Variants in ATP12A observed in about 807,000 individuals in gnomAD.
The protein encoded by ATP12A is potassium-transporting ATPase alpha chain 2.
Under a neutral mutation model 111.2 loss-of-function variants are expected in ATP12A, and 81 were observed. The ratio of observed to expected loss-of-function variants is 0.73; its 90% CI spans 0.61 to 0.88. The LOEUF (loss-of-function observed/expected upper bound fraction) is 0.88. Among genes scored for constraint, ATP12A ranks in the 40% least tolerant of loss-of-function variants. The probability of loss-of-function intolerance (pLI) is 0.00; values close to 1 mark genes in which losing one functional copy is unlikely to be tolerated. For synonymous variants in ATP12A, 498 were observed against 499.8 expected, an observed-to-expected ratio of 1.00 and a Z score of 0.05; for missense variants, 1,196 against 1,313.1, an observed-to-expected ratio of 0.91 and a Z score of 1.38.
intron 2 of ATP12A, among the ~76,000 whole-genome samples, chr13:24,682,164 GTGTA>G (rs1330565865): frequency 1.7e-3 from 199 of 119,846 alleles, no homozygotes; most frequent in Middle Eastern, 5.0e-3. Context: ...TGTGTGGTGT[GTGTA>G]TGTGTGTGGT....
intron 12 of ATP12A, among the ~76,000 whole-genome samples, chr13:24,699,899 A>C (rs1415678333): frequency 6.6e-6 from 1 of 152,228 alleles, no homozygotes; most frequent in Non-Finnish European, 1.5e-5. Context: ...GTGTTTCTAA[A>C]GGCTATTGGA....
intron 1 of ATP12A, among the ~76,000 whole-genome samples, 183 bp from the exon 2 acceptor site, chr13:24,681,379 C>A (rs1874424563): frequency 2.6e-5 from 4 of 152,136 alleles, no homozygotes. Context: ...GGAGAGGAAG[C>A]CAAGGTCGGC....
At chr13:24,695,495 A>T (rs975147324) in intron 11 of ATP12A, among the ~76,000 whole-genome samples, 1 of 152,174 alleles carries the variant, frequency 6.6e-6, no homozygotes, top group Admixed American at 6.5e-5. Context: ...GGCTTTGCAC[A>T]ACAGTAAAGT....
intron 10 of ATP12A, among the ~76,000 whole-genome samples, chr13:24,693,520 A>G (rs2137700844): frequency 6.6e-6 from 1 of 152,032 alleles, no homozygotes; most frequent in East Asian, 1.9e-4. Flanking sequence ...CTTTTTGGCC[A>G]ATTGCTTCTT....
chr13:24,686,777 GGAAA>G (rs10680537), intron 3 of ATP12A, among the ~76,000 whole-genome samples: 4 of 149,682 alleles, frequency 2.7e-5, no homozygotes, highest in Admixed American at 1.3e-4. Context: ...AAGGAAGGAA[GGAAA>G]GAAAGAAAGA....
At chr13:24,700,009 C>A (rs960458226) in intron 12 of ATP12A, among the ~76,000 whole-genome samples, 1 of 152,204 alleles carries the variant, frequency 6.6e-6, no homozygotes, top group Non-Finnish European at 1.5e-5. Context: ...TGCCCACTTG[C>A]GTTTGATTTC....
At chr13:24,708,038 TC>T (rs1875747599) in intron 17 of ATP12A, among the ~76,000 whole-genome samples, 1 of 152,112 alleles carries the variant, frequency 6.6e-6, no homozygotes, top group African/African-American at 2.4e-5. Flanking sequence ...GCTTCCCTTT[TC>T]TTTTGGGAAG....
chr13:24,690,384 A>T lies in ATP12A; in HGVS notation c.593A>T (p.Glu198Val). 1 of 1,612,744 alleles carries T rather than the reference A, an allele frequency of 6.2e-7. No homozygotes were observed. The highest frequency in any genetic ancestry group is 8.5e-7 in the Non-Finnish European group (1 of 1,179,786). ...TCCGAGAAGAAGACCATCCCTTCAG[A>T]GCAGCTGGTGGTGGGGGACATTGTG... ...RDSEKKTIPSEQLVVGDIVEV... is the reference protein window; with the variant it reads ...RDSEKKTIPSVQLVVGDIVEV... The change falls in exon 6 of 23, where the codon GAG (glutamate) becomes GTG (valine). Residue 198 changes from glutamate (E) to valine (V), a missense_variant. By Grantham distance (121) the Glu-to-Val change is moderately radical. This residue lies in a region of ATP12A where 1,126 missense variants were observed against 1,228.5 expected (regional missense o/e 0.92). Transcript: ENST00000381946.
rs1480725659 is a variant in ATP12A, at chr13:24,711,335, T to C, written c.3017T>C (p.Val1006Ala). 6.2e-7 allele frequency: 1 copy of C among 1,602,990 alleles called. No individual in the cohort carries two copies. Among genetic ancestry groups the C allele is most frequent in the Non-Finnish European group, 8.5e-7 (1 of 1,174,248 alleles). The change falls in exon 22 of 23, where the codon GTG becomes GCG. Residue 1006 changes from valine to alanine, a missense_variant. By Grantham distance (64) the Val-to-Ala change is moderately conservative (BLOSUM62 0). Around this residue, in one of 3 missense-constraint regions of ATP12A, gnomAD observed 1,126 missense variants for 1,228.5 expected, o/e 0.92. Transcript: ENST00000381946. Reference protein sequence around the residue: ...FTMLRAQYWFVAVPHAILIWV... With the variant: ...FTMLRAQYWFAAVPHAILIWV... ...GCTTCCAGGGCTCAGTACTGGTTTGTGGCTGTGCCGCACGCCATCCTGATC... is the reference window on the plus strand; with the variant it reads ...GCTTCCAGGGCTCAGTACTGGTTTGCGGCTGTGCCGCACGCCATCCTGATC...
intron 10 of ATP12A, among the ~76,000 whole-genome samples, 199 bp from the exon 11 acceptor site, chr13:24,694,245 T>C (rs1396735930): frequency 6.6e-6 from 1 of 152,158 alleles, no homozygotes; most frequent in Non-Finnish European, 1.5e-5. Context: ...AGGTCCAGCT[T>C]CTCCAAACAT....
intron 21 of ATP12A, 114 bp downstream of exon 21, chr13:24,711,007 C>G (rs144688878): frequency 3.3e-5 from 32 of 956,194 alleles, no homozygotes; most frequent in African/African-American, 3.1e-4. Context: ...CAAAAGACGT[C>G]AAACTGATCC....
intron 5 of ATP12A, 71 bp downstream of exon 5, chr13:24,689,446 C>A: frequency 1.5e-6 from 2 of 1,376,522 alleles, no homozygotes; most frequent in African/African-American, 1.4e-5. Flanking sequence ...GGGAGGGGCA[C>A]AGGGCCCTGA....
At chr13:24,694,615 G>C in intron 11 of ATP12A, 37 bp downstream of exon 11, 2 of 1,611,098 alleles carry the variant, frequency 1.2e-6, no homozygotes, top group South Asian at 1.1e-5. Context: ...CTCTGTCATC[G>C]GCAGCATGAC....
At chr13:24,697,287 C>A (rs774749135) in intron 11 of ATP12A, among the ~76,000 whole-genome samples, 1 of 152,120 alleles carries the variant, frequency 6.6e-6, no homozygotes, top group Non-Finnish European at 1.5e-5. Flanking sequence ...GTGCCTGGCA[C>A]GTGGTACATA....
intron 11 of ATP12A, among the ~76,000 whole-genome samples, chr13:24,696,376 T>A (rs1875151620): frequency 6.6e-6 from 1 of 151,206 alleles, no homozygotes; most frequent in South Asian, 2.1e-4. Context: ...CATGTACAAG[T>A]TGGAGGAGAA....
At chr13:24,697,402 A>G (rs1875211015) in intron 11 of ATP12A, among the ~76,000 whole-genome samples, 1 of 152,126 alleles carries the variant, frequency 6.6e-6, no homozygotes, top group Non-Finnish European at 1.5e-5. Context: ...GGGAGATCGA[A>G]GAAGGCAGAT....
In ATP12A at chr13:24,681,637, G is replaced by GAGA; in HGVS notation, c.88_90dup (p.Lys30dup). ...GAAAACAGACAAGGGGGATGGCAAG[G>GAGA]AGAAGTATAGGGGTCTGAAGAACAA... On this transcript the variant is annotated inframe_insertion, in exon 2 of 23. Transcript: ENST00000381946. The GAGA allele has an allele frequency of 6.2e-7, 1 of 1,614,232 alleles. No homozygotes were observed. Among genetic ancestry groups the GAGA allele is most frequent in the South Asian group, 1.1e-5 (1 of 91,082 alleles).
chr13:24,681,374 G>A (rs1874424488), intron 1 of ATP12A, among the ~76,000 whole-genome samples, 188 bp from the exon 2 acceptor site: 1 of 152,142 alleles, frequency 6.6e-6, no homozygotes, highest in African/African-American at 2.4e-5. Flanking sequence ...CGGACGGAGA[G>A]GAAGCCAAGG....
Position 24,701,061 on chromosome 13 carries a change from G to C in ATP12A, c.1881+139G>C, listed in dbSNP as rs1875373505. 5 of 1,039,074 alleles carry C rather than the reference G, an allele frequency of 4.8e-6. No homozygotes were observed. The South Asian group carries it at 5.3e-5, about 11-fold the overall frequency. 64.4% of individuals were successfully genotyped at this position (1,039,074 alleles called of 1,614,324 possible). A position where few individuals can be genotyped will look rare whatever the true frequency, so the allele number is the denominator to read the frequency against. On this transcript the variant is annotated intron_variant, in intron 13 of 22. Coordinates refer to ENST00000381946, the MANE Select transcript of ATP12A (RefSeq NM_001676.7). ...TTCCTATTTTATTTCTAGTTTCACTGTGCTAAGGTTACTGAAACTGTCCCA... is the reference window on the plus strand; with the variant it reads ...TTCCTATTTTATTTCTAGTTTCACTCTGCTAAGGTTACTGAAACTGTCCCA...
Sources: gnomAD v4.1 joint callset for allele counts (sites outside exome capture counted in the v4.1 genomes callset) on GRCh38, gnomAD v4.1.1 for gene constraint, gnomAD v4.1.1 regional missense constraint, MANE v1.5 for transcripts, NCBI Gene and HGNC (gene_info 2026-07-23, HGNC 2026-07-21) for gene names.